TAGLN: variants seen among roughly 807,000 people sequenced by gnomAD.
TAGLN encodes the protein transgelin, also known as 22 kDa actin-binding protein.
A neutral mutation model predicts 21.9 loss-of-function variants in TAGLN; 16 were observed. That is an observed-to-expected ratio of 0.73 (90% CI 0.49 to 1.11). TAGLN has a LOEUF of 1.11. TAGLN is among the 50% of genes least tolerant of loss of function. The pLI, the probability that TAGLN is intolerant of heterozygous loss-of-function variation, is 0.00. For missense variants in TAGLN, 248 were observed against 263.2 expected (o/e 0.94, Z 0.40); for synonymous variants, 96 against 94.9 (o/e 1.01, Z -0.06).
At position 117,204,304 on chromosome 11, in the gene TAGLN, G is replaced by C. The variant is rs1239062735; in HGVS notation, c.551G>C (p.Gly184Ala). 6.2e-7 allele frequency: 1 copy of C among 1,614,228 alleles called. No homozygotes were observed. Among genetic ancestry groups the C allele is most frequent in the Non-Finnish European group, 8.5e-7 (1 of 1,180,048 alleles). Residue 184 changes from glycine to alanine, a missense_variant, in exon 5 of 5, where the codon GGG becomes GCG. Transcript: ENST00000392951. ...GGCCTTCAGATGGGCAGCAACAGAG[G>C]GGCCTCCCAGGCCGGCATGACAGGC... ...VIGLQMGSNR[G>A]ASQAGMTGYG...
Position 117,203,275 on chromosome 11 carries a change from C to G in TAGLN, c.181-32C>G. Reference sequence around the variant, plus strand: ...CCTGGGCCAATCCCTGAGCTGACTGCTAAGCTGCGTCCTATGCCCTATGCC... The same window carrying G: ...CCTGGGCCAATCCCTGAGCTGACTGGTAAGCTGCGTCCTATGCCCTATGCC... On this transcript the variant is annotated intron_variant, in intron 2 of 4. Coordinates refer to ENST00000392951, the MANE Select transcript of TAGLN (RefSeq NM_003186.5). The surrounding 1 kb of genome is among the most constrained non-coding windows in gnomAD (Gnocchi z 4.4). The G allele has an allele frequency of 5.6e-6, 9 of 1,611,444 alleles. No homozygotes were observed. The highest frequency in any genetic ancestry group is 7.6e-6 in the Non-Finnish European group (9 of 1,177,908).
In TAGLN at chr11:117,203,554, C is replaced by T; in HGVS notation, c.358+70C>T. 6.5e-7 allele frequency: 1 copy of T among 1,546,156 alleles called. No homozygotes were observed. The highest frequency in any genetic ancestry group is 8.8e-7 in the Non-Finnish European group (1 of 1,130,432). On this transcript the variant is annotated intron_variant, in intron 3 of 4. Coordinates refer to ENST00000392951, the MANE Select transcript of TAGLN (RefSeq NM_003186.5). The surrounding 1 kb of genome is among the most constrained non-coding windows in gnomAD (Gnocchi z 4.4). ...GTGCTGGGACAGGGAGAGGGAATGACCAGAATATGCCACAACTAGGGGTGT... is the reference window on the plus strand; with the variant it reads ...GTGCTGGGACAGGGAGAGGGAATGATCAGAATATGCCACAACTAGGGGTGT...
At position 117,205,691 on chromosome 11, in the gene TAGLN, G is replaced by A. The variant is rs937050847; in HGVS notation, c.*1332G>A. On this transcript the variant is annotated 3_prime_UTR_variant, in exon 5 of 5. Coordinates refer to ENST00000392951, the MANE Select transcript of TAGLN (RefSeq NM_003186.5). ...TGGGAAGGGGTCCCCCATGCTTGGG[G>A]GACCTAGGCAGCTGGCTTGGCCCAA... is the stretch of plus-strand genomic sequence containing the variant. The A allele has an allele frequency of 2.6e-5, 8 of 305,528 alleles. No homozygotes were observed. The highest frequency in any genetic ancestry group is 1.7e-4 in the African/African-American group (8 of 47,218). The allele number at this position is 305,528 out of a possible 1,614,324, so 18.9% of individuals were successfully genotyped here. A position where few individuals can be genotyped will look rare whatever the true frequency, so the allele number is the denominator to read the frequency against.
rs138833123 is a variant in TAGLN, at chr11:117,203,743, G to C, written c.359-39G>C. The C allele has an allele frequency of 1.3e-6, 2 of 1,589,738 alleles. No individual in the cohort carries two copies. Among genetic ancestry groups the C allele is most frequent in the African/African-American group, 1.3e-5 (1 of 74,386 alleles). ...CCCTGGCTTGGAGTCTTGTTTATAC[G>C]TTCTTGATGTTCATCTCCTCTCTCC... On this transcript the variant is annotated intron_variant, in intron 3 of 4. Transcript: ENST00000392951. The surrounding 1 kb of genome is among the most constrained non-coding windows in gnomAD (Gnocchi z 4.4).
rs758278527 is a variant in TAGLN, at chr11:117,203,209, GGCTAGGGC to G, written c.180+20_180+27del. Reference sequence around the variant, plus strand: ...GAATGGCGTGGTGAGTGGCACCCTGGGCTAGGGCGCTGGGGGGCTGGGGTGTGCCACCC... The same window carrying G: ...GAATGGCGTGGTGAGTGGCACCCTGGGCTGGGGGGCTGGGGTGTGCCACCC... On this transcript the variant is annotated intron_variant, in intron 2 of 4. Coordinates refer to ENST00000392951, the MANE Select transcript of TAGLN (RefSeq NM_003186.5). This position sits in a 1 kb window ranked among gnomAD's most constrained non-coding sequence, Gnocchi z 4.4. 2.1e-5 allele frequency: 34 copies of G among 1,592,128 alleles called. No individual in the cohort carries two copies. The highest frequency in any genetic ancestry group is 6.8e-5 in the South Asian group (6 of 88,224).
intron 1 of TAGLN, 96 bp from the exon 2 acceptor site, chr11:117,202,906 T>C: frequency 8.6e-7 from 1 of 1,159,838 alleles, no homozygotes; most frequent in Non-Finnish European, 1.2e-6. Context: ...GATGGCCGGG[T>C]ATCCTGCACA....
chr11:117,199,560 C>T (rs2030997843), intron 1 of TAGLN, 128 bp downstream of exon 1: 1 of 152,306 alleles, frequency 6.6e-6, no homozygotes, highest in Non-Finnish European at 1.5e-5. Flanking sequence ...GGAAACCCAC[C>T]CTCTCAGTCA....
intron 1 of TAGLN, chr11:117,202,208 A>G (rs955578043): frequency 2.0e-5 from 3 of 152,250 alleles, no homozygotes; most frequent in Admixed American, 6.5e-5. Flanking sequence ...GCGTAAGGGC[A>G]TGAGGGGAAG....
rs370652740 is a variant in TAGLN at position 117,203,347 on chromosome 11, C to T, written c.221C>T (p.Ser74Phe). Residue 74 changes from serine (S) to phenylalanine (F), a missense_variant, in exon 3 of 5, where the codon TCC becomes TTC. Ser to Phe is a radical substitution (Grantham distance 155). Coordinates refer to ENST00000392951, the MANE Select transcript of TAGLN (RefSeq NM_003186.5). The surrounding 1 kb of genome is among the most constrained non-coding windows in gnomAD (Gnocchi z 4.4). Reference sequence around the variant, plus strand: ...GTGAACAGCCTGTACCCTGATGGCTCCAAGCCGGTGAAGGTGCCCGAGAAC... The same window carrying T: ...GTGAACAGCCTGTACCCTGATGGCTTCAAGCCGGTGAAGGTGCCCGAGAAC... The part of the protein sequence containing the change: ...KLVNSLYPDG[S>F]KPVKVPENPP... The T allele has an allele frequency of 6.2e-7, 1 of 1,614,116 alleles. No individual in the cohort carries two copies. Among genetic ancestry groups the T allele is most frequent in the African/African-American group, 1.3e-5 (1 of 75,018 alleles).
chr11:117,204,252 C>A lies in TAGLN; in HGVS notation c.499C>A (p.Gln167Lys), dbSNP rs1415155883. The A allele has an allele frequency of 3.1e-6, 5 of 1,614,116 alleles. No homozygotes were observed. Among genetic ancestry groups the A allele is most frequent in the Non-Finnish European group, 4.2e-6 (5 of 1,180,056 alleles). Residue 167 changes from glutamine (Q) to lysine (K), a missense_variant, in exon 5 of 5, where the codon CAG becomes AAG. Coordinates refer to ENST00000392951, the MANE Select transcript of TAGLN (RefSeq NM_003186.5). ...QEHKREFTESQLQEGKHVIGL... is the reference protein window; with the variant it reads ...QEHKREFTESKLQEGKHVIGL... ...GCATAAGAGGGAATTCACAGAGAGC[C>A]AGCTGCAGGAGGGAAAGCATGTCAT...
chr11:117,204,538 C>T lies in TAGLN; in HGVS notation c.*179C>T, dbSNP rs1279610222. ...CTCCTCCCTGTGCCCCCAGCCTCAG[C>T]CCAACTTCTTACCCGAAAGCATCAC... On this transcript the variant is annotated 3_prime_UTR_variant, in exon 5 of 5. Coordinates refer to ENST00000392951, the MANE Select transcript of TAGLN (RefSeq NM_003186.5). The T allele has an allele frequency of 1.1e-6, 1 of 944,122 alleles. No individual in the cohort carries two copies. The highest frequency in any genetic ancestry group is 1.6e-5 in the African/African-American group (1 of 61,730). 58.5% of individuals were successfully genotyped at this position (944,122 alleles called of 1,614,324 possible).
chr11:117,204,382 C>T lies in TAGLN; in HGVS notation c.*23C>T. 4 of 1,614,146 alleles carry T rather than the reference C, an allele frequency of 2.5e-6. No homozygotes were observed. Among genetic ancestry groups the T allele is most frequent in the Non-Finnish European group, 3.4e-6 (4 of 1,179,974 alleles). ...TAGAGCGGAGAGGGCTAGCCCTGAGCCCGGCCCTCCCCCAGCTCCTTGGCT... is the reference window on the plus strand; with the variant it reads ...TAGAGCGGAGAGGGCTAGCCCTGAGTCCGGCCCTCCCCCAGCTCCTTGGCT... On this transcript the variant is annotated 3_prime_UTR_variant, in exon 5 of 5. Coordinates refer to ENST00000392951, the MANE Select transcript of TAGLN (RefSeq NM_003186.5).
Position 117,205,028 on chromosome 11 carries a change from G to A in TAGLN, c.*669G>A, listed in dbSNP as rs2031287663. ...AAGGAGCCACTCAGCAGCATGCAGT[G>A]GCTTTGGGGAGACAGAGGAAAGGAG... On this transcript the variant is annotated 3_prime_UTR_variant, in exon 5 of 5. Coordinates refer to ENST00000392951, the MANE Select transcript of TAGLN (RefSeq NM_003186.5). The A allele has an allele frequency of 9.7e-6, 2 of 206,168 alleles. No homozygotes were observed. The highest frequency in any genetic ancestry group is 4.6e-5 in the African/African-American group (2 of 43,778). The allele number at this position is 206,168 out of a possible 1,614,324, so 12.8% of individuals were successfully genotyped here.
At position 117,203,358 on chromosome 11, in the gene TAGLN, A is replaced by G; in HGVS notation, c.232A>G (p.Lys78Glu). 1 of 1,614,136 alleles carries G rather than the reference A, an allele frequency of 6.2e-7. No homozygotes were observed. Among genetic ancestry groups the G allele is most frequent in the African/African-American group, 1.3e-5 (1 of 75,008 alleles). Reference sequence around the variant, plus strand: ...GTACCCTGATGGCTCCAAGCCGGTGAAGGTGCCCGAGAACCCACCCTCCAT... The same window carrying G: ...GTACCCTGATGGCTCCAAGCCGGTGGAGGTGCCCGAGAACCCACCCTCCAT... ...SLYPDGSKPVKVPENPPSMVF... is the reference protein window; with the variant it reads ...SLYPDGSKPVEVPENPPSMVF... The change falls in exon 3 of 5, where the codon AAG (lysine) becomes GAG (glutamate). Residue 78 changes from lysine to glutamate, a missense_variant. Coordinates refer to ENST00000392951, the MANE Select transcript of TAGLN (RefSeq NM_003186.5). This position sits in a 1 kb window ranked among gnomAD's most constrained non-coding sequence, Gnocchi z 4.4.
In TAGLN at chr11:117,204,634, A is replaced by G. The variant is rs368754158; in HGVS notation, c.*275A>G. ...TCCTCCCTGGGCTAAGCAGGGGAGA[A>G]GCGGGCTGGGGGTAGCCTGGATGTG... On this transcript the variant is annotated 3_prime_UTR_variant, in exon 5 of 5. Transcript: ENST00000392951. The G allele has an allele frequency of 3.7e-6, 2 of 535,986 alleles. No individual in the cohort carries two copies. Among genetic ancestry groups the G allele is most frequent in the African/African-American group, 1.9e-5 (1 of 53,216 alleles). 33.2% of individuals were successfully genotyped at this position (535,986 alleles called of 1,614,324 possible).
In TAGLN at chr11:117,203,120, T is replaced by C; in HGVS notation, c.107T>C (p.Val36Ala). Residue 36 changes from valine to alanine, a missense_variant, in exon 2 of 5, where the codon GTG (valine) becomes GCG (alanine). Transcript: ENST00000392951. The surrounding 1 kb of genome is among the most constrained non-coding windows in gnomAD (Gnocchi z 4.4). ...GAGCGGCTGGTGGAGTGGATCATAGTGCAGTGTGGCCCTGATGTGGGCCGC... is the reference window on the plus strand; with the variant it reads ...GAGCGGCTGGTGGAGTGGATCATAGCGCAGTGTGGCCCTGATGTGGGCCGC... ...LEERLVEWII[V>A]QCGPDVGRPD... 10 of 1,611,922 alleles carry C rather than the reference T, an allele frequency of 6.2e-6. No individual in the cohort carries two copies. Among genetic ancestry groups the C allele is most frequent in the Non-Finnish European group, 8.5e-6 (10 of 1,178,840 alleles).
rs1218807247 is a variant in TAGLN, at chr11:117,205,847, C to T, written c.*1488C>T. ...CCAGACTTCTCTGGCAGCAATCCTCCACCATTTGTATCTTAAGAAGGCCCT... is the reference window on the plus strand; with the variant it reads ...CCAGACTTCTCTGGCAGCAATCCTCTACCATTTGTATCTTAAGAAGGCCCT... On this transcript the variant is annotated 3_prime_UTR_variant, in exon 5 of 5. Coordinates refer to ENST00000392951, the MANE Select transcript of TAGLN (RefSeq NM_003186.5). The T allele has an allele frequency of 7.5e-6, 5 of 663,394 alleles. No individual in the cohort carries two copies. The highest frequency in any genetic ancestry group is 6.1e-5 in the East Asian group (2 of 33,034). The allele number at this position is 663,394 out of a possible 1,614,324, so 41.1% of individuals were successfully genotyped here.
chr11:117,206,833 GA>G lies in TAGLN; in HGVS notation c.*2475del. 7.3e-6 allele frequency: 5 copies of G among 686,532 alleles called. No homozygotes were observed. The highest frequency in any genetic ancestry group is 1.3e-5 in the Non-Finnish European group (5 of 376,280). The allele number at this position is 686,532 out of a possible 1,614,324, so 42.5% of individuals were successfully genotyped here. On this transcript the variant is annotated 3_prime_UTR_variant, in exon 5 of 5. Transcript: ENST00000392951. ...AGAAAAGAGGTGAGGATGCCCCACTGACTATGGTTCCTATACCATCTGCCCT... is the reference window on the plus strand; with the variant it reads ...AGAAAAGAGGTGAGGATGCCCCACTGCTATGGTTCCTATACCATCTGCCCT...
At chr11:117,202,354 C>T (rs2031134634) in intron 1 of TAGLN, 1 of 152,238 alleles carries the variant, frequency 6.6e-6, no homozygotes, top group Non-Finnish European at 1.5e-5. Context: ...AGACCAGAAG[C>T]TGAGCTGACC....
Sources: allele counts gnomAD v4.1 joint callset, GRCh38; gene constraint gnomAD v4.1.1; non-coding constraint Gnocchi (gnomAD v3.1); transcripts MANE v1.5; gene names NCBI Gene and HGNC (gene_info 2026-07-23, HGNC 2026-07-21).